TMEM178B: variants seen among roughly 807,000 people sequenced by gnomAD.
TMEM178B encodes transmembrane protein 178B.
TMEM178B carries 5 observed loss-of-function variants against 31.0 expected under a neutral mutation model. The observed-to-expected ratio is 0.16, with a 90% confidence interval of 0.08 to 0.34. The LOEUF (loss-of-function observed/expected upper bound fraction) is 0.34. Among genes scored for constraint, TMEM178B ranks in the 10% least tolerant of loss-of-function variants. The pLI, the probability that TMEM178B is intolerant of heterozygous loss-of-function variation, is 1.00. For missense variants in TMEM178B, 275 were observed against 400.3 expected (o/e 0.69, Z 2.67); for synonymous variants, 164 against 164.0 (o/e 1.00, Z 0.00).
At chr7:141,458,631 G>A (rs886446609) in intron 3 of TMEM178B, among the ~76,000 whole-genome samples, 8 of 150,904 alleles carry the variant, frequency 5.3e-5, no homozygotes, top group Non-Finnish European at 1.0e-4. Flanking sequence ...TTTTTTTTTT[G>A]TCCTTGAGAA....
chr7:141,184,981 C>T (rs1056764295), intron 1 of TMEM178B, among the ~76,000 whole-genome samples: 1 of 152,228 alleles, frequency 6.6e-6, no homozygotes, highest in African/African-American at 2.4e-5. Context: ...CGTGGCCAGA[C>T]ACATCTAAAG....
chr7:141,507,681 T>C, the TMEM178B span, among the ~76,000 whole-genome samples: 2 of 152,236 alleles, frequency 1.3e-5, no homozygotes, highest in Non-Finnish European at 2.9e-5. Flanking sequence ...CAAATCTCAA[T>C]TATTGACTTC....
chr7:141,455,646 G>A (rs889762846), intron 3 of TMEM178B, among the ~76,000 whole-genome samples: 5 of 152,208 alleles, frequency 3.3e-5, no homozygotes, highest in Admixed American at 2.0e-4. Flanking sequence ...ACGTTGCTTC[G>A]AGGATTAAAA....
chr7:141,274,649 T>C (rs1798238016), intron 2 of TMEM178B, among the ~76,000 whole-genome samples: 1 of 152,188 alleles, frequency 6.6e-6, no homozygotes, highest in African/African-American at 2.4e-5. Context: ...CCCAAATCCA[T>C]GCCCTCAAGG....
chr7:141,120,756 G>A (rs1795394564), intron 1 of TMEM178B, among the ~76,000 whole-genome samples: 1 of 151,976 alleles, frequency 6.6e-6, no homozygotes, highest in Non-Finnish European at 1.5e-5. Flanking sequence ...AGGAGTTGGA[G>A]ACTAGCCTGG....
chr7:141,198,274 G>A (rs528538718), intron 1 of TMEM178B, among the ~76,000 whole-genome samples: 1 of 152,176 alleles, frequency 6.6e-6, no homozygotes, highest in African/African-American at 2.4e-5. Context: ...TTCTGGAGGT[G>A]CATACCTGGG....
chr7:141,415,917 A>AT (rs1272879559), intron 2 of TMEM178B: 7 of 152,582 alleles, frequency 4.6e-5, no homozygotes, highest in African/African-American at 1.7e-4. Flanking sequence ...ATAGAAATGC[A>AT]CTTCTGATTC....
chr7:141,503,791 T>C, the TMEM178B span, among the ~76,000 whole-genome samples: 1 of 152,246 alleles, frequency 6.6e-6, no homozygotes, highest in Non-Finnish European at 1.5e-5. Context: ...GGGCAATGTA[T>C]GTATGTGTTG....
chr7:141,260,866 C>T (rs1171057152), intron 2 of TMEM178B, among the ~76,000 whole-genome samples: 1 of 152,120 alleles, frequency 6.6e-6, no homozygotes, highest in Non-Finnish European at 1.5e-5. Context: ...GGAGTAACCC[C>T]ACAGGTATCA....
At chr7:141,113,317 A>G (rs1459017434) in intron 1 of TMEM178B, among the ~76,000 whole-genome samples, 6 of 152,180 alleles carry the variant, frequency 3.9e-5, no homozygotes, top group Non-Finnish European at 8.8e-5. Flanking sequence ...GCTCTGTCCC[A>G]TCTGTCCCAT....
At chr7:141,313,299 A>G (rs1049672070) in intron 2 of TMEM178B, among the ~76,000 whole-genome samples, 5 of 152,148 alleles carry the variant, frequency 3.3e-5, no homozygotes, top group African/African-American at 4.8e-5. Flanking sequence ...CTTTCTGGCA[A>G]CCACTAAGCT....
chr7:141,374,372 A>T (rs906949936), intron 2 of TMEM178B, among the ~76,000 whole-genome samples: 1 of 152,170 alleles, frequency 6.6e-6, no homozygotes, highest in Non-Finnish European at 1.5e-5. Flanking sequence ...TTAGGCACAC[A>T]CACATGCACA....
chr7:141,251,465 A>G (rs1217463893), intron 2 of TMEM178B, among the ~76,000 whole-genome samples: 1 of 152,094 alleles, frequency 6.6e-6, no homozygotes, highest in Non-Finnish European at 1.5e-5. Flanking sequence ...ATGTACCCTC[A>G]TGGCTTCCAA....
chr7:141,298,771 A>G (rs532822736), intron 2 of TMEM178B, among the ~76,000 whole-genome samples: 1 of 152,388 alleles, frequency 6.6e-6, no homozygotes, highest in South Asian at 2.1e-4. Flanking sequence ...CCAATTCCTT[A>G]TATGCACTTG....
intron 1 of TMEM178B, among the ~76,000 whole-genome samples, chr7:141,193,837 A>G (rs892640646): frequency 2.6e-5 from 4 of 152,196 alleles, no homozygotes; most frequent in South Asian, 2.1e-4. Context: ...CTGGCCCTCA[A>G]AGTACTTCTG....
chr7:141,510,002 AT>A, the TMEM178B span, among the ~76,000 whole-genome samples: 4 of 152,244 alleles, frequency 2.6e-5, no homozygotes, highest in Non-Finnish European at 4.4e-5. Context: ...GAGTGGCAGT[AT>A]CCTGAGTAGA....
chr7:141,211,659 T>C (rs902506193), intron 1 of TMEM178B, among the ~76,000 whole-genome samples: 3 of 152,082 alleles, frequency 2.0e-5, no homozygotes, highest in Non-Finnish European at 2.9e-5. Flanking sequence ...AAACCAAAAG[T>C]AATGGGGGAA....
At chr7:141,285,829 A>G (rs926257958) in intron 2 of TMEM178B, among the ~76,000 whole-genome samples, 11 of 152,268 alleles carry the variant, frequency 7.2e-5, no homozygotes, top group Non-Finnish European at 1.6e-4. Flanking sequence ...ATTCTCAGCA[A>G]ACTAACACAG....
At position 141,344,806 on chromosome 7, in the gene TMEM178B, A is replaced by G. The variant is rs1330272671; in HGVS notation, c.497-92802A>G. On this transcript the variant is annotated intron_variant, in intron 2 of 3. Transcript: ENST00000565468. The surrounding 1 kb of genome is among the most constrained non-coding windows in gnomAD (Gnocchi z 4.1). ...TAAAGATTTCAAACTTTTGGAACTCAGAACGAGCTGTCTGTTAACTGTGGC... is the reference window on the plus strand; with the variant it reads ...TAAAGATTTCAAACTTTTGGAACTCGGAACGAGCTGTCTGTTAACTGTGGC... Among the ~76,000 whole-genome samples the G allele has an allele frequency of 6.6e-6, 1 of 152,218 alleles. No homozygotes were observed. Among genetic ancestry groups the G allele is most frequent in the Admixed American group, 6.5e-5 (1 of 15,284 alleles).
Sources: allele counts gnomAD v4.1 joint callset (sites outside exome capture counted in the v4.1 genomes callset), GRCh38; gene constraint gnomAD v4.1.1; non-coding constraint Gnocchi (gnomAD v3.1); transcripts MANE v1.5; gene names NCBI Gene and HGNC (gene_info 2026-07-23, HGNC 2026-07-21).